The following CAMK2D variants were observed in gnomAD, a reference collection of about 807,000 sequenced individuals.
CAMK2D encodes the protein calcium/calmodulin dependent protein kinase II delta.
CAMK2D carries 37 observed loss-of-function variants against 84.0 expected under a neutral mutation model. The ratio of observed to expected loss-of-function variants is 0.44; its 90% CI spans 0.34 to 0.58. The LOEUF (loss-of-function observed/expected upper bound fraction) is 0.58, where lower values mean the gene tolerates loss of function less well. CAMK2D is among the 20% of genes least tolerant of loss of function. The pLI, the probability that CAMK2D is intolerant of heterozygous loss-of-function variation, is 0.02. For missense variants in CAMK2D, 448 were observed against 652.5 expected, an observed-to-expected ratio of 0.69 and a Z score of 3.41; for synonymous variants, 202 against 212.5, an observed-to-expected ratio of 0.95 and a Z score of 0.43.
chr4:113,670,394 G>A (rs1273367490), intron 2 of CAMK2D, among the ~76,000 whole-genome samples: 1 of 152,112 alleles, frequency 6.6e-6, no homozygotes, highest in Admixed American at 6.5e-5. Context: ...AAGTTATAAG[G>A]ATATTAGTTG....
chr4:113,715,426 T>C (rs1010513769), intron 2 of CAMK2D, among the ~76,000 whole-genome samples: 1 of 152,174 alleles, frequency 6.6e-6, no homozygotes, highest in Non-Finnish European at 1.5e-5. Flanking sequence ...TCTCATATGC[T>C]ATGAGTTTAT....
intron 4 of CAMK2D, among the ~76,000 whole-genome samples, chr4:113,606,953 G>A (rs1025640704): frequency 2.0e-5 from 3 of 152,076 alleles, no homozygotes; most frequent in African/African-American, 7.2e-5. Context: ...TGACAAAGAT[G>A]TCTCATCAAA....
intron 4 of CAMK2D, among the ~76,000 whole-genome samples, chr4:113,574,547 G>A (rs1371927242): frequency 6.6e-6 from 1 of 152,166 alleles, no homozygotes; most frequent in Non-Finnish European, 1.5e-5. Context: ...TTTAGGCAAA[G>A]CTTATTTCCA....
rs2099641528 is a variant in CAMK2D at position 113,761,587 on chromosome 4, G to C, written c.-519C>G. ...CCAGCGGCCGCTGTCAGCAGGCTCA[G>C]GCGCGGGGCGCGCCGGGGCTCCGAC... On this transcript the variant is annotated 5_prime_UTR_variant, in exon 1 of 21. Coordinates refer to ENST00000511664, the MANE Select transcript of CAMK2D (RefSeq NM_001321571.2). The C allele has an allele frequency of 1.0e-6, 1 of 985,174 alleles. No individual in the cohort carries two copies. Among genetic ancestry groups the C allele is most frequent in the East Asian group, 1.1e-4 (1 of 8,784 alleles). 61.0% of individuals were successfully genotyped at this position (985,174 alleles called of 1,614,324 possible).
intron 3 of CAMK2D, among the ~76,000 whole-genome samples, chr4:113,613,231 C>A (rs2099007862): frequency 1.3e-5 from 2 of 152,084 alleles, no homozygotes; most frequent in South Asian, 4.1e-4. Context: ...TGAATGTTCA[C>A]AGGCTTAGAG....
At position 113,510,371 on chromosome 4, in the gene CAMK2D, A is replaced by G. The variant is rs143021587; in HGVS notation, c.947-696T>C. Reference sequence around the variant, plus strand: ...TTTACAATGAAAAAGTAAAAATCATAAAATTTGAGACAACATAAAACCAGA... The same window carrying G: ...TTTACAATGAAAAAGTAAAAATCATGAAATTTGAGACAACATAAAACCAGA... On this transcript the variant is annotated intron_variant, in intron 12 of 20. Transcript: ENST00000511664. 4.9e-3 allele frequency among the ~76,000 whole-genome samples: 740 copies of G among 152,332 alleles called. 1 individual carries two copies. The highest frequency in any genetic ancestry group is 0.012 in the South Asian group (56 of 4,834).
At chr4:113,708,090 A>G (rs1278336156) in intron 2 of CAMK2D, among the ~76,000 whole-genome samples, 1 of 152,180 alleles carries the variant, frequency 6.6e-6, no homozygotes, top group South Asian at 2.1e-4. Flanking sequence ...CATAAAAAAA[A>G]AGTCCCTTCT....
intron 13 of CAMK2D, 41 bp from the exon 14 acceptor site, chr4:113,505,076 C>T (rs1000970001): frequency 4.1e-6 from 5 of 1,232,152 alleles, no homozygotes; most frequent in Non-Finnish European, 5.7e-6. Flanking sequence ...TGCCTTAAAC[C>T]CCTTGGTAGC....
chr4:113,549,833 A>G (rs1463535535), intron 5 of CAMK2D, among the ~76,000 whole-genome samples: 1 of 152,232 alleles, frequency 6.6e-6, no homozygotes, highest in Non-Finnish European at 1.5e-5. Flanking sequence ...TATTTTAAAA[A>G]TTGATCATGA....
rs138781578 is a variant in CAMK2D at position 113,498,889 on chromosome 4, C to A, written c.1135+1574G>T. On this transcript the variant is annotated intron_variant, in intron 16 of 20. Coordinates refer to ENST00000511664, the MANE Select transcript of CAMK2D (RefSeq NM_001321571.2). ...AGTGCCAAATTCAGGTGAGAAAGAC[C>A]ACTTATTAAAACCCTTCTCATGATT... 3.8e-3 allele frequency among the ~76,000 whole-genome samples: 577 copies of A among 152,148 alleles called. 5 individuals carry two copies. The highest frequency in any genetic ancestry group is 0.013 in the African/African-American group (557 of 41,516).
chr4:113,481,424 A>G (rs1352882936), intron 16 of CAMK2D, among the ~76,000 whole-genome samples: 5 of 152,358 alleles, frequency 3.3e-5, no homozygotes, highest in Middle Eastern at 6.8e-3. Flanking sequence ...ATAAATATAA[A>G]GAGAAAAGTA....
chr4:113,488,586 A>G (rs1039440615), intron 16 of CAMK2D, among the ~76,000 whole-genome samples: 2 of 152,194 alleles, frequency 1.3e-5, no homozygotes, highest in Non-Finnish European at 2.9e-5. Flanking sequence ...TGATAGCTCA[A>G]TCAAAGTTTA....
At chr4:113,611,800 T>C (rs1461285616) in intron 3 of CAMK2D, among the ~76,000 whole-genome samples, 2 of 152,190 alleles carry the variant, frequency 1.3e-5, no homozygotes, top group African/African-American at 2.4e-5. Flanking sequence ...TAACATGTGA[T>C]AAGGGTTTGA....
chr4:113,731,814 G>C (rs2099569726), intron 2 of CAMK2D, among the ~76,000 whole-genome samples: 1 of 152,098 alleles, frequency 6.6e-6, no homozygotes, highest in South Asian at 2.1e-4. Flanking sequence ...TCAAACTCCT[G>C]ACCTCATGAT....
chr4:113,723,225 CTTTT>C (rs869114577), intron 2 of CAMK2D, among the ~76,000 whole-genome samples: 3 of 140,426 alleles, frequency 2.1e-5, no homozygotes, highest in African/African-American at 5.2e-5. Context: ...CCAAAAATAA[CTTTT>C]TTTTTTTTTT....
intron 2 of CAMK2D, among the ~76,000 whole-genome samples, chr4:113,669,090 T>C (rs1326435734): frequency 6.6e-6 from 1 of 152,148 alleles, no homozygotes; most frequent in East Asian, 1.9e-4. Context: ...AGATATAACA[T>C]TATATATGTT....
At chr4:113,759,238 A>C in intron 2 of CAMK2D, 82 bp downstream of exon 2, 2 of 786,576 alleles carry the variant, frequency 2.5e-6, no homozygotes, top group Non-Finnish European at 4.2e-6. Flanking sequence ...TTATAACTAC[A>C]TGATATATTT....
intron 3 of CAMK2D, among the ~76,000 whole-genome samples, chr4:113,655,493 G>C (rs886786070): frequency 5.3e-5 from 8 of 152,042 alleles, no homozygotes; most frequent in Non-Finnish European, 1.2e-4. Flanking sequence ...TCTAGCTGCT[G>C]AAGTTCATTA....
At chr4:113,479,374 T>A (rs2097671040) in intron 16 of CAMK2D, among the ~76,000 whole-genome samples, 1 of 152,176 alleles carries the variant, frequency 6.6e-6, no homozygotes, top group Non-Finnish European at 1.5e-5. Context: ...TATCCAGAGA[T>A]AAAAGGACTA....
Sources: gnomAD v4.1 joint callset for allele counts (sites outside exome capture counted in the v4.1 genomes callset) on GRCh38, gnomAD v4.1.1 for gene constraint, MANE v1.5 for transcripts, NCBI Gene and HGNC (gene_info 2026-07-23, HGNC 2026-07-21) for gene names.